Variants in TPTE observed in about 807,000 individuals in gnomAD.
TPTE encodes the protein transmembrane phosphatase with tensin homology.
In TPTE, 59 loss-of-function variants were observed where a neutral mutation model predicts 84.1. The observed-to-expected ratio is 0.70, with a 90% CI of 0.57 to 0.87. The LOEUF is 0.87. TPTE is among the 40% of genes least tolerant of loss of function. The probability of loss-of-function intolerance (pLI) is 0.00; values close to 1 mark genes in which losing one functional copy is unlikely to be tolerated. For missense variants in TPTE, 382 were observed against 659.6 expected, an observed-to-expected ratio of 0.58 and a Z score of 4.61; for synonymous variants, 130 against 223.5, an observed-to-expected ratio of 0.58 and a Z score of 3.73.
At chr21:10,592,805 G>GTGTGTGTGTGTGTGTGTGT (rs1555820855) in intron 19 of TPTE, among the ~76,000 whole-genome samples, 26 of 148,828 alleles carry the variant, frequency 1.7e-4, no homozygotes, top group Non-Finnish European at 2.8e-4. Flanking sequence ...GATGACTCCT[G>GTGTGTGTGTGTGTGTGTGT]GTGTGTGTGT....
intron 1 of TPTE, among the ~76,000 whole-genome samples, chr21:10,523,114 C>T (rs2074013041): frequency 6.6e-6 from 1 of 152,306 alleles, no homozygotes; most frequent in Non-Finnish European, 1.5e-5. Flanking sequence ...GGAAGCTGAA[C>T]ACTTGATGTA....
chr21:10,563,417 C>G (rs1210361824), intron 10 of TPTE, among the ~76,000 whole-genome samples: 1 of 152,306 alleles, frequency 6.6e-6, no homozygotes, highest in East Asian at 1.9e-4. Flanking sequence ...AGAGACTAAA[C>G]TATGAGCCAA....
intron 17 of TPTE, among the ~76,000 whole-genome samples, chr21:10,588,315 T>C (rs2075403405): frequency 6.6e-6 from 1 of 152,312 alleles, no homozygotes; most frequent in Non-Finnish European, 1.5e-5. Flanking sequence ...TTGCATATGC[T>C]GAACCTTGTA....
chr21:10,573,933 A>G (rs1215746855), intron 14 of TPTE, among the ~76,000 whole-genome samples: 1 of 152,312 alleles, frequency 6.6e-6, no homozygotes, highest in Non-Finnish European at 1.5e-5. Context: ...ACCCCATTTT[A>G]TTGGACAATG....
In TPTE at chr21:10,574,102, A is replaced by G. The variant is rs1347451459; in HGVS notation, c.796-3358A>G. Among the ~76,000 whole-genome samples, 3 of 152,310 alleles carry G rather than the reference A, an allele frequency of 2.0e-5. No homozygotes were observed. The East Asian group carries it at 5.8e-4, about 29-fold the overall frequency. ...ATGTGTTTTCTTAGGTTGAGATCCT[A>G]AATTATAGTCGGGGCATATTGCTTT... On this transcript the variant is annotated intron_variant, in intron 14 of 23. Coordinates refer to ENST00000618007, the MANE Select transcript of TPTE (RefSeq NM_199261.4).
intron 8 of TPTE, among the ~76,000 whole-genome samples, chr21:10,558,548 C>G (rs2074729573): frequency 6.6e-6 from 1 of 152,310 alleles, no homozygotes; most frequent in African/African-American, 2.4e-5. Context: ...TGCATGTCTT[C>G]TTTTGAGAAA....
chr21:10,564,588 T>C (rs1600909789), intron 10 of TPTE, among the ~76,000 whole-genome samples: 2 of 152,426 alleles, frequency 1.3e-5, no homozygotes, highest in East Asian at 3.8e-4. Context: ...TAAATATTGA[T>C]GCAAAAATCC....
chr21:10,583,633 C>A (rs1237946694), intron 17 of TPTE, among the ~76,000 whole-genome samples: 37 of 152,360 alleles, frequency 2.4e-4, no homozygotes, highest in Middle Eastern at 3.4e-3. Context: ...GTTTTTGTGT[C>A]CTGATTAAGA....
chr21:10,542,309 G>A, intron 5 of TPTE, 86 bp from the exon 6 acceptor site: 1 of 1,513,948 alleles, frequency 6.6e-7, no homozygotes, highest in Non-Finnish European at 9.1e-7. Context: ...ATTGGTTTCT[G>A]TCTAGAGTAA....
At chr21:10,542,971 C>CA (rs1568960895) in intron 6 of TPTE, among the ~76,000 whole-genome samples, 1 of 150,392 alleles carries the variant, frequency 6.6e-6, no homozygotes, top group Non-Finnish European at 1.5e-5. Flanking sequence ...GCTAATTTTC[C>CA]AAAAAAGTAA....
At chr21:10,564,537 AAAAACC>A (rs1232303939) in intron 10 of TPTE, among the ~76,000 whole-genome samples, 33 of 152,402 alleles carry the variant, frequency 2.2e-4, no homozygotes, top group African/African-American at 3.8e-4. Context: ...AAACAAACCC[AAAAACC>A]AAAACCAAAA....
chr21:10,590,515 A>G lies in TPTE; in HGVS notation c.1081A>G (p.Thr361Ala), dbSNP rs763509744. Reference sequence around the variant, plus strand: ...CCTTATTGCCTCTGAAATATGTTCAACTGCAAAGGTATGAAAGATGTTCTA... The same window carrying G: ...CCTTATTGCCTCTGAAATATGTTCAGCTGCAAAGGTATGAAAGATGTTCTA... ...AFLIASEICS[T>A]AKESLYYFGE... is the part of the protein sequence containing the mutation. The change falls in exon 18 of 24, where the codon ACT becomes GCT. Residue 361 changes from threonine to alanine, a missense_variant. Physicochemically the swap from Thr to Ala is moderately conservative, Grantham distance 58 (BLOSUM62 0). Around this residue, in one of 10 missense-constraint regions of TPTE, gnomAD observed 37 missense variants for 28.3 expected, o/e 1.31. Transcript: ENST00000618007. The G allele has an allele frequency of 1.2e-6, 2 of 1,614,104 alleles. No individual in the cohort carries two copies. Among genetic ancestry groups the G allele is most frequent in the Non-Finnish European group, 8.5e-7 (1 of 1,179,928 alleles).
At chr21:10,577,171 C>A (rs1205899423) in intron 14 of TPTE, among the ~76,000 whole-genome samples, 1 of 152,306 alleles carries the variant, frequency 6.6e-6, no homozygotes, top group Non-Finnish European at 1.5e-5. Flanking sequence ...TGATTTAGAA[C>A]AAATTACTTA....
rs375732949 is a variant in TPTE at position 10,586,364 on chromosome 21, T to G, written c.1028-4098T>G. Among the ~76,000 whole-genome samples the G allele has an allele frequency of 3.1e-4, 47 of 152,312 alleles. No homozygotes were observed. In the East Asian group the frequency reaches 7.5e-3, roughly 24 times the overall value. ...TTCCTTATTTCCAAACATATGAGAA[T>G]TTTGTATTTATCTTTAAATTTTTGA... On this transcript the variant is annotated intron_variant, in intron 17 of 23. Transcript: ENST00000618007.
In TPTE at chr21:10,527,952, T is replaced by C. The variant is rs1233555511; in HGVS notation, c.-44+540T>C. On this transcript the variant is annotated intron_variant, in intron 3 of 23. Coordinates refer to ENST00000618007, the MANE Select transcript of TPTE (RefSeq NM_199261.4). ...GGCAAGAATAATGTGTGCCTACAAA[T>C]GGGACATGAATTTGAAGGAAATTTA... Among the ~76,000 whole-genome samples, 3 of 152,312 alleles carry C rather than the reference T, an allele frequency of 2.0e-5. No individual in the cohort carries two copies. The East Asian group carries it at 5.8e-4, about 29-fold the overall frequency.
At chr21:10,547,110 C>CT (rs1174938509) in intron 7 of TPTE, among the ~76,000 whole-genome samples, 1 of 152,304 alleles carries the variant, frequency 6.6e-6, no homozygotes. Context: ...AAGCTGGTGA[C>CT]TTTAAGTTGA....
At chr21:10,564,120 C>T (rs1393518833) in intron 10 of TPTE, among the ~76,000 whole-genome samples, 431 of 152,182 alleles carry the variant, frequency 2.8e-3, no homozygotes, top group African/African-American at 0.01. Flanking sequence ...TGCCACTGCA[C>T]TCCAGTCTGG....
intron 3 of TPTE, among the ~76,000 whole-genome samples, chr21:10,531,200 C>T (rs536416021): frequency 1.0e-4 from 16 of 152,406 alleles, no homozygotes; most frequent in Admixed American, 4.6e-4. Flanking sequence ...ACCCCCAAAC[C>T]GTATGTTGAA....
At chr21:10,583,050 A>T (rs2075298406) in intron 17 of TPTE, among the ~76,000 whole-genome samples, 1 of 152,312 alleles carries the variant, frequency 6.6e-6, no homozygotes, top group South Asian at 2.1e-4. Context: ...ACTGCTTTTA[A>T]AAATACACGT....
Sources: allele counts gnomAD v4.1 joint callset (sites outside exome capture counted in the v4.1 genomes callset), GRCh38; gene constraint gnomAD v4.1.1; regional missense constraint gnomAD v4.1.1; transcripts MANE v1.5; gene names NCBI Gene and HGNC (gene_info 2026-07-23, HGNC 2026-07-21).